Variants in CCR5AS observed in about 807,000 individuals in gnomAD.
CCR5AS encodes the protein CCR5 antisense RNA.
exon 4 of CCR5AS, chr3:46,364,856 A>C (rs1701585126): frequency 6.6e-6 from 1 of 152,246 alleles, no homozygotes; most frequent in Admixed American, 6.5e-5. Context: ...TCAGGGGTTC[A>C]CGTCTTCAGT....
intron 1 of CCR5AS, among the ~76,000 whole-genome samples, chr3:46,393,657 T>C (rs1701935120): frequency 6.6e-6 from 1 of 152,182 alleles, no homozygotes; most frequent in Non-Finnish European, 1.5e-5. Flanking sequence ...AGCGCACAAA[T>C]TCTTGTATTC....
chr3:46,397,137 A>C (rs1575287499), intron 1 of CCR5AS, among the ~76,000 whole-genome samples: 1 of 151,864 alleles, frequency 6.6e-6, no homozygotes. Context: ...GGTAACACCT[A>C]CCCTGGGAAT....
intron 2 of CCR5AS, among the ~76,000 whole-genome samples, chr3:46,371,866 T>C (rs1701665260): frequency 6.6e-6 from 1 of 152,216 alleles, no homozygotes; most frequent in Non-Finnish European, 1.5e-5. Flanking sequence ...CACCCGGCCA[T>C]TTCACTCTGA....
chr3:46,401,505 G>A (rs922631025), intron 1 of CCR5AS, among the ~76,000 whole-genome samples: 1 of 152,224 alleles, frequency 6.6e-6, no homozygotes, highest in Non-Finnish European at 1.5e-5. Flanking sequence ...TGAAGGAGAT[G>A]GGGAATGACG....
chr3:46,369,215 T>C (rs1004139261), intron 3 of CCR5AS, among the ~76,000 whole-genome samples: 10 of 152,200 alleles, frequency 6.6e-5, no homozygotes, highest in African/African-American at 2.4e-4. Flanking sequence ...ACCTCCACTC[T>C]ACAGTTAAGA....
chr3:46,383,986 C>T (rs1701836050), intron 2 of CCR5AS, among the ~76,000 whole-genome samples: 1 of 152,176 alleles, frequency 6.6e-6, no homozygotes, highest in African/African-American at 2.4e-5. Context: ...GGGGTGAATA[C>T]CTGAGGTTTG....
chr3:46,370,404 G>T (rs1444351127), intron 3 of CCR5AS, among the ~76,000 whole-genome samples: 1 of 152,138 alleles, frequency 6.6e-6, no homozygotes, highest in Non-Finnish European at 1.5e-5. Context: ...GTGGGGGTTG[G>T]GGTGGGATAG....
At chr3:46,399,378 C>A (rs1414880146) in intron 1 of CCR5AS, among the ~76,000 whole-genome samples, 1 of 152,064 alleles carries the variant, frequency 6.6e-6, no homozygotes, top group Admixed American at 6.6e-5. Context: ...GGGGCAGAAG[C>A]CAGGCTGCAG....
chr3:46,393,460 C>CAAAAAAAAAA (rs35762544), intron 1 of CCR5AS, among the ~76,000 whole-genome samples: 3 of 103,806 alleles, frequency 2.9e-5, no homozygotes, highest in African/African-American at 4.1e-5. Flanking sequence ...AACAGAGCCA[C>CAAAAAAAAAA]AAAAAAAAAA....
intron 1 of CCR5AS, among the ~76,000 whole-genome samples, chr3:46,401,957 C>T (rs1702009379): frequency 6.6e-6 from 1 of 151,938 alleles, no homozygotes; most frequent in African/African-American, 2.4e-5. Flanking sequence ...CACTCCATAC[C>T]CTTTCTTCCT....
chr3:46,392,831 T>C (rs558138421), exon 2 of CCR5AS: 49 of 207,638 alleles, frequency 2.4e-4, no homozygotes, highest in Middle Eastern at 2.0e-3. Context: ...TTACCCGGTT[T>C]GAAATTGGTG....
intron 2 of CCR5AS, among the ~76,000 whole-genome samples, chr3:46,390,231 G>A (rs1395308852): frequency 6.6e-6 from 1 of 152,128 alleles, no homozygotes; most frequent in East Asian, 1.9e-4. Context: ...AGGGATGCAA[G>A]GGGATAGTAA....
chr3:46,388,800 A>G (rs1390277714), intron 2 of CCR5AS, among the ~76,000 whole-genome samples: 4 of 152,204 alleles, frequency 2.6e-5, no homozygotes, highest in African/African-American at 9.7e-5. Flanking sequence ...AGAGGGTGGC[A>G]TAAGAATGGG....
chr3:46,368,199 G>C (rs565095660), intron 3 of CCR5AS, among the ~76,000 whole-genome samples: 2 of 152,176 alleles, frequency 1.3e-5, no homozygotes, highest in Non-Finnish European at 2.9e-5. Context: ...AAAAAGGAGG[G>C]ATGGCACGAA....
Position 46,393,473 on chromosome 3 carries a change from A to G in CCR5AS, n.164-421T>C, listed in dbSNP as rs1258007958. 2.7e-5 allele frequency among the ~76,000 whole-genome samples: 4 copies of G among 150,838 alleles called. No homozygotes were observed. The East Asian group carries it at 5.8e-4, about 22-fold the overall frequency. On this transcript the variant is annotated intron_variant and non_coding_transcript_variant, in intron 1 of 3. Transcript: ENST00000451485. ...GCAACAGAGCCACAAAAAAAAAAGA[A>G]AAGAAAAGAAAAGAAAAAAAAAGAA...
chr3:46,404,929 T>C (rs1245568578), intron 1 of CCR5AS, among the ~76,000 whole-genome samples: 1 of 152,226 alleles, frequency 6.6e-6, no homozygotes, highest in Non-Finnish European at 1.5e-5. Flanking sequence ...TATACAGTGA[T>C]AGTTCCTTCG....
intron 2 of CCR5AS, among the ~76,000 whole-genome samples, chr3:46,383,455 A>G (rs932159481): frequency 2.6e-5 from 4 of 152,164 alleles, no homozygotes; most frequent in Admixed American, 6.5e-5. Context: ...GCAAAACCCA[A>G]TGAGAAGTTC....
intron 2 of CCR5AS, chr3:46,375,150 C>T (rs1255634585): frequency 6.0e-6 from 1 of 167,070 alleles, no homozygotes; most frequent in Non-Finnish European, 1.5e-5. Context: ...AACACAGTCT[C>T]ACCCAGACTC....
intron 2 of CCR5AS, chr3:46,373,686 G>T (rs1446832405): frequency 1.2e-6 from 2 of 1,614,120 alleles, no homozygotes; most frequent in Admixed American, 3.3e-5. Flanking sequence ...CACCTTCCAG[G>T]AATTCTTTGG....
Sources: allele counts gnomAD v4.1 joint callset (sites outside exome capture counted in the v4.1 genomes callset), GRCh38; gene constraint gnomAD v4.1.1; transcripts MANE v1.5; gene names NCBI Gene and HGNC (gene_info 2026-07-23, HGNC 2026-07-21).